Variants in GABRB1 observed in about 807,000 individuals in gnomAD.
The protein encoded by GABRB1 is gamma-aminobutyric acid receptor subunit beta-1.
GABRB1 carries 17 observed loss-of-function variants against 51.6 expected under a neutral mutation model. That is an observed-to-expected ratio of 0.33 (90% CI 0.23 to 0.49). GABRB1 has a LOEUF of 0.49. GABRB1 is among the 20% of genes least tolerant of loss of function. GABRB1 has a pLI of 0.99. For synonymous variants in GABRB1, 247 were observed against 218.9 expected (o/e 1.13, Z -1.14); for missense variants, 410 against 600.6 (o/e 0.68, Z 3.32).
chr4:47,032,064 G>C, intron 2 of GABRB1, 59 bp downstream of exon 2: 22 of 764,892 alleles, frequency 2.9e-5, no homozygotes, highest in Non-Finnish European at 3.6e-5. Context: ...TTCTGTCAAA[G>C]ATAAATGTCA....
At chr4:47,133,131 A>G (rs1164258155) in intron 3 of GABRB1, among the ~76,000 whole-genome samples, 1 of 152,204 alleles carries the variant, frequency 6.6e-6, no homozygotes, top group Non-Finnish European at 1.5e-5. Flanking sequence ...AGTAACCTTT[A>G]CAAAAGCATT....
At chr4:46,996,204 A>G (rs1723991432) in intron 1 of GABRB1, among the ~76,000 whole-genome samples, 1 of 151,728 alleles carries the variant, frequency 6.6e-6, no homozygotes, top group South Asian at 2.1e-4. Context: ...AATTATTATT[A>G]TTGTCTGTGT....
At chr4:47,077,650 T>C (rs1727613170) in intron 3 of GABRB1, among the ~76,000 whole-genome samples, 2 of 151,646 alleles carry the variant, frequency 1.3e-5, no homozygotes, top group South Asian at 4.1e-4. Context: ...AATGAAGAGT[T>C]TGCCTACGGA....
chr4:47,172,798 T>A (rs1192188300), intron 4 of GABRB1, among the ~76,000 whole-genome samples: 1 of 152,020 alleles, frequency 6.6e-6, no homozygotes. Context: ...TGCGCCACCA[T>A]GCTCAGCTAA....
At chr4:47,362,787 A>T (rs185017128) in intron 5 of GABRB1, among the ~76,000 whole-genome samples, 3 of 152,288 alleles carry the variant, frequency 2.0e-5, no homozygotes, top group African/African-American at 7.2e-5. Context: ...TTTTAATTAA[A>T]TATTTATTAA....
intron 3 of GABRB1, among the ~76,000 whole-genome samples, chr4:47,063,909 A>G (rs1191552293): frequency 6.6e-6 from 1 of 152,112 alleles, no homozygotes; most frequent in Admixed American, 6.5e-5. Context: ...GGGGGAGAGC[A>G]TTAGAGAAAA....
intron 3 of GABRB1, among the ~76,000 whole-genome samples, chr4:47,036,014 T>A (rs865811954): frequency 6.6e-6 from 1 of 152,116 alleles, no homozygotes; most frequent in Non-Finnish European, 1.5e-5. Flanking sequence ...AGACCTTACA[T>A]CGAATGAGTC....
intron 4 of GABRB1, among the ~76,000 whole-genome samples, chr4:47,243,456 G>T (rs1291924962): frequency 2.0e-5 from 3 of 152,124 alleles, no homozygotes; most frequent in Non-Finnish European, 4.4e-5. Context: ...GAATGGCATT[G>T]AATCTATAAA....
chr4:47,268,259 T>C (rs1193122227), intron 4 of GABRB1, among the ~76,000 whole-genome samples: 1 of 152,164 alleles, frequency 6.6e-6, no homozygotes, highest in East Asian at 1.9e-4. Context: ...CAAAATGAAA[T>C]AGTAAACTCA....
intron 3 of GABRB1, among the ~76,000 whole-genome samples, chr4:47,071,907 T>A (rs1030358921): frequency 6.6e-6 from 1 of 152,016 alleles, no homozygotes; most frequent in Non-Finnish European, 1.5e-5. Context: ...TTTAATTGAG[T>A]GATGAGGGCG....
At chr4:47,067,728 T>A (rs1042261996) in intron 3 of GABRB1, among the ~76,000 whole-genome samples, 1 of 152,088 alleles carries the variant, frequency 6.6e-6, no homozygotes, top group Non-Finnish European at 1.5e-5. Context: ...TTTATTTATT[T>A]TTTCCTTTCA....
At chr4:47,313,153 A>G (rs925799583) in intron 4 of GABRB1, among the ~76,000 whole-genome samples, 1 of 152,180 alleles carries the variant, frequency 6.6e-6, no homozygotes. Flanking sequence ...ATTATAATGT[A>G]ATCCATTCTA....
chr4:47,032,493 C>T lies in GABRB1; in HGVS notation c.240+9C>T. 2.5e-6 allele frequency: 4 copies of T among 1,613,400 alleles called. No homozygotes were observed. Among genetic ancestry groups the T allele is most frequent in the Non-Finnish European group, 3.4e-6 (4 of 1,179,464 alleles). ...TCTCCGAAGTGAATATGGTGAGTGG[C>T]CTCCCGAGGGGCCCGGCGGTTCGGC... On this transcript the variant is annotated intron_variant, in intron 3 of 8. Transcript: ENST00000295454.
chr4:47,271,663 C>A (rs1324086120), intron 4 of GABRB1, among the ~76,000 whole-genome samples: 4 of 152,158 alleles, frequency 2.6e-5, no homozygotes, highest in Non-Finnish European at 1.5e-5. Context: ...TTACCCTATA[C>A]ACAATTTTAT....
chr4:47,046,879 A>T (rs931625852), intron 3 of GABRB1, among the ~76,000 whole-genome samples: 2 of 152,146 alleles, frequency 1.3e-5, no homozygotes, highest in Non-Finnish European at 2.9e-5. Flanking sequence ...TCCTTAACAA[A>T]CTAACACAGG....
At chr4:47,135,247 GT>G (rs1407973462) in intron 3 of GABRB1, among the ~76,000 whole-genome samples, 1 of 152,140 alleles carries the variant, frequency 6.6e-6, no homozygotes, top group African/African-American at 2.4e-5. Context: ...AAGGTGTTGA[GT>G]TTCATTTTAT....
rs2109342211 is a variant in GABRB1, at chr4:47,426,091, C to T, written c.*73C>T. 3.3e-6 allele frequency: 4 copies of T among 1,213,624 alleles called. No homozygotes were observed. The highest frequency in any genetic ancestry group is 3.4e-6 in the Non-Finnish European group (3 of 870,604). The allele number at this position is 1,213,624 out of a possible 1,614,324, so 75.2% of individuals were successfully genotyped here. A position where few individuals can be genotyped will look rare whatever the true frequency, so the allele number is the denominator to read the frequency against. On this transcript the variant is annotated 3_prime_UTR_variant, in exon 9 of 9. Coordinates refer to ENST00000295454, the MANE Select transcript of GABRB1 (RefSeq NM_000812.4). Reference sequence around the variant, plus strand: ...TTTTAACCTTACAGGTCCCCAACAGCGATACTGCTGTTTCTCGAGGTAAGA... The same window carrying T: ...TTTTAACCTTACAGGTCCCCAACAGTGATACTGCTGTTTCTCGAGGTAAGA...
intron 1 of GABRB1, among the ~76,000 whole-genome samples, chr4:47,018,612 A>G (rs1724817415): frequency 6.6e-6 from 1 of 152,224 alleles, no homozygotes; most frequent in African/African-American, 2.4e-5. Context: ...AACCTTACTG[A>G]TAACACAAGC....
At chr4:47,123,993 A>G (rs1207019800) in intron 3 of GABRB1, among the ~76,000 whole-genome samples, 2 of 128,580 alleles carry the variant, frequency 1.6e-5, no homozygotes. Context: ...ACACACACAC[A>G]TGCATATATA....
Sources: gnomAD v4.1 joint callset for allele counts (sites outside exome capture counted in the v4.1 genomes callset) on GRCh38, gnomAD v4.1.1 for gene constraint, MANE v1.5 for transcripts, NCBI Gene and HGNC (gene_info 2026-07-23, HGNC 2026-07-21) for gene names.